Variants in ALDH1A2 observed in about 807,000 individuals in gnomAD.
The protein encoded by ALDH1A2 is retinal dehydrogenase 2.
Under a neutral mutation model 60.3 loss-of-function variants are expected in ALDH1A2, and 27 were observed. The ratio of observed to expected loss-of-function variants is 0.45; its 90% CI spans 0.33 to 0.62. The LOEUF is 0.62. Ranked by LOEUF, ALDH1A2 falls within the 20% of genes least tolerant of loss-of-function variation. ALDH1A2 has a pLI of 0.02. For synonymous variants in ALDH1A2, 289 were observed against 232.4 expected (o/e 1.24, Z -2.21); for missense variants, 581 against 643.8 (o/e 0.90, Z 1.06).
intron 4 of ALDH1A2, among the ~76,000 whole-genome samples, chr15:58,004,080 G>A (rs1186141080): frequency 1.3e-5 from 2 of 151,848 alleles, no homozygotes; most frequent in Non-Finnish European, 2.9e-5. Context: ...CCAATTCAGA[G>A]AGAGAAGCAG....
At chr15:57,993,984 C>T (rs1250409142) in intron 5 of ALDH1A2, among the ~76,000 whole-genome samples, 3 of 152,160 alleles carry the variant, frequency 2.0e-5, no homozygotes, top group African/African-American at 7.2e-5. Context: ...TGTTTATAAA[C>T]TTGGGAGTCC....
At chr15:57,981,705 C>T (rs184692113) in intron 7 of ALDH1A2, among the ~76,000 whole-genome samples, 1 of 152,292 alleles carries the variant, frequency 6.6e-6, no homozygotes, top group Admixed American at 6.5e-5. Context: ...TATTATACCA[C>T]ACTTCCCCAA....
intron 1 of ALDH1A2, among the ~76,000 whole-genome samples, chr15:58,037,083 T>C (rs1896394752): frequency 2.0e-5 from 3 of 151,766 alleles, no homozygotes; most frequent in South Asian, 4.1e-4. Flanking sequence ...AAAGCTCAAA[T>C]GATGAAGGTG....
chr15:57,958,962 C>T (rs1045695582), intron 12 of ALDH1A2, among the ~76,000 whole-genome samples: 25 of 152,242 alleles, frequency 1.6e-4, no homozygotes, highest in South Asian at 6.2e-4. Flanking sequence ...AATGGTTCTT[C>T]GGTCTCTTGA....
intron 8 of ALDH1A2, 183 bp from the exon 9 acceptor site, chr15:57,964,252 GAAC>G (rs1893824236): frequency 1.6e-6 from 1 of 620,368 alleles, no homozygotes; most frequent in Non-Finnish European, 2.8e-6. Context: ...ATGTGAACTT[GAAC>G]AACTTCACTT....
intron 1 of ALDH1A2, among the ~76,000 whole-genome samples, chr15:58,029,929 T>C (rs1431375894): frequency 6.6e-6 from 1 of 152,148 alleles, no homozygotes; most frequent in Non-Finnish European, 1.5e-5. Context: ...CCAGATGGAA[T>C]CACAGTGCAA....
intron 7 of ALDH1A2, among the ~76,000 whole-genome samples, chr15:57,972,401 T>C (rs1445854593): frequency 1.3e-5 from 2 of 152,228 alleles, no homozygotes; most frequent in Admixed American, 6.5e-5. Context: ...TAAGACTCTA[T>C]TTCAGGTAAG....
intron 7 of ALDH1A2, among the ~76,000 whole-genome samples, chr15:57,968,054 T>C (rs1893951403): frequency 6.6e-6 from 1 of 152,190 alleles, no homozygotes; most frequent in South Asian, 2.1e-4. Context: ...TCCCTGAGGA[T>C]GCTGTCATCT....
At chr15:58,055,569 T>A (rs1318654501) in intron 1 of ALDH1A2, among the ~76,000 whole-genome samples, 1 of 152,040 alleles carries the variant, frequency 6.6e-6, no homozygotes, top group African/African-American at 2.4e-5. Flanking sequence ...ACATTCATTA[T>A]CAAAAAATAA....
chr15:58,027,324 C>A (rs1285656992), intron 1 of ALDH1A2, among the ~76,000 whole-genome samples: 1 of 152,152 alleles, frequency 6.6e-6, no homozygotes, highest in African/African-American at 2.4e-5. Flanking sequence ...GGAAAACTAA[C>A]AAACAGAAAG....
chr15:58,023,538 C>G (rs12915989), intron 1 of ALDH1A2, among the ~76,000 whole-genome samples: 2 of 151,736 alleles, frequency 1.3e-5, no homozygotes, highest in Admixed American at 6.6e-5. Context: ...AAAATCCTAA[C>G]AACAGCAACA....
At chr15:57,957,442 C>T (rs1893566016) in intron 12 of ALDH1A2, among the ~76,000 whole-genome samples, 1 of 152,166 alleles carries the variant, frequency 6.6e-6, no homozygotes, top group Non-Finnish European at 1.5e-5. Context: ...GGTCATTGAG[C>T]CCTGAAGTCT....
At position 57,976,141 on chromosome 15, in the gene ALDH1A2, C is replaced by T. The variant is rs186250315; in HGVS notation, c.799-10314G>A. On this transcript the variant is annotated intron_variant, in intron 7 of 12. Transcript: ENST00000249750. ...AACTACTGAAAAACAAAGGAAACTA[C>T]GTAACATTTTTCTGCAAAGAAATTT... Among the ~76,000 whole-genome samples, 8 of 152,218 alleles carry T rather than the reference C, an allele frequency of 5.3e-5. No individual in the cohort carries two copies. In the East Asian group the frequency reaches 5.8e-4, roughly 11 times the overall value.
chr15:57,986,571 C>CAAAAAAAAAAAAAAAAAAA (rs71116542), intron 7 of ALDH1A2, among the ~76,000 whole-genome samples: 1 of 82,072 alleles, frequency 1.2e-5, no homozygotes, highest in East Asian at 5.1e-4. Context: ...ACAGAAAAGC[C>CAAAAAAAAAAAAAAAAAAA]AAAAAAAAAA....
chr15:57,983,957 G>C (rs1894607955), intron 7 of ALDH1A2, among the ~76,000 whole-genome samples: 1 of 152,206 alleles, frequency 6.6e-6, no homozygotes, highest in African/African-American at 2.4e-5. Context: ...ATGCAATTTT[G>C]AAGTGAATTT....
Position 57,960,775 on chromosome 15 carries a change from T to C in ALDH1A2, c.1479A>G (p.Arg493=), listed in dbSNP as rs199654940. 2 of 1,613,768 alleles carry C rather than the reference T, an allele frequency of 1.2e-6. No homozygotes were observed. Among genetic ancestry groups the C allele is most frequent in the Admixed American group, 1.7e-5 (1 of 60,024 alleles). Reference sequence around the variant, plus strand: ...TCAGCAACTTTAAGACTTACATTTCTCTCCCATTTCCAGACATCTTGAATC... The same window carrying C: ...TCAGCAACTTTAAGACTTACATTTCCCTCCCATTTCCAGACATCTTGAATC... ...FGGFKMSGNG[R]EMGEFGLREY... Residue 493 remains arginine, a synonymous_variant, in exon 12 of 13, where the codon AGA becomes AGG. Coordinates refer to ENST00000249750, the MANE Select transcript of ALDH1A2 (RefSeq NM_003888.4).
At chr15:57,996,533 C>G (rs33960206) in intron 4 of ALDH1A2, among the ~76,000 whole-genome samples, 64,218 of 146,862 alleles carry the variant, frequency 0.44, 14,788 homozygotes, top group Non-Finnish European at 0.53. Flanking sequence ...AAAGCTAGGA[C>G]GTCTTTTTAG....
At chr15:58,046,098 C>CT (rs1896633133) in intron 1 of ALDH1A2, among the ~76,000 whole-genome samples, 1 of 152,020 alleles carries the variant, frequency 6.6e-6, no homozygotes, top group Admixed American at 6.6e-5. Flanking sequence ...ACAATACTCC[C>CT]TGCAACAAAG....
intron 3 of ALDH1A2, among the ~76,000 whole-genome samples, chr15:58,013,058 C>G (rs897382040): frequency 3.9e-5 from 6 of 152,106 alleles, no homozygotes; most frequent in African/African-American, 1.4e-4. Context: ...AGGAGAAGTT[C>G]GTTATGTGAG....
Sources: allele counts gnomAD v4.1 joint callset (sites outside exome capture counted in the v4.1 genomes callset), GRCh38; gene constraint gnomAD v4.1.1; transcripts MANE v1.5; gene names NCBI Gene and HGNC (gene_info 2026-07-23, HGNC 2026-07-21).